DCAF5: variants seen among roughly 807,000 people sequenced by gnomAD.
DCAF5 encodes the protein DDB1- and CUL4-associated factor 5.
DCAF5 carries 9 observed loss-of-function variants against 80.7 expected under a neutral mutation model. That is an observed-to-expected ratio of 0.11 (90% CI 0.07 to 0.19). The LOEUF is 0.19. Ranked by LOEUF, DCAF5 falls within the 10% of genes least tolerant of loss-of-function variation. The pLI is 1.00. For missense variants in DCAF5, 842 were observed against 1,205.7 expected (o/e 0.70, Z 4.47); for synonymous variants, 433 against 461.9 (o/e 0.94, Z 0.80).
At chr14:69,081,201 T>A (rs1461582446) in intron 6 of DCAF5, among the ~76,000 whole-genome samples, 2 of 152,166 alleles carry the variant, frequency 1.3e-5, no homozygotes, top group African/African-American at 2.4e-5. Flanking sequence ...AGATAAATAC[T>A]TCATTATCTA....
At chr14:69,141,289 A>T (rs2041366321) in intron 1 of DCAF5, among the ~76,000 whole-genome samples, 1 of 152,046 alleles carries the variant, frequency 6.6e-6, no homozygotes. Flanking sequence ...TGCATACCAG[A>T]CAGTGCAATA....
intron 2 of DCAF5, 140 bp downstream of exon 2, chr14:69,122,077 G>A: frequency 9.9e-7 from 1 of 1,007,820 alleles, no homozygotes; most frequent in Non-Finnish European, 1.5e-6. Context: ...CTGCTGTAAT[G>A]CAGAAAAGAC....
chr14:69,071,991 G>A (rs1462109621), intron 7 of DCAF5, among the ~76,000 whole-genome samples: 1 of 152,182 alleles, frequency 6.6e-6, no homozygotes, highest in Non-Finnish European at 1.5e-5. Context: ...AAGTCTGGGG[G>A]TTGCCAATTG....
In DCAF5 at chr14:69,052,953, T is replaced by C. The variant is rs1412716374; in HGVS notation, c.*904A>G. 6.6e-6 allele frequency: 1 copy of C among 152,276 alleles called. No homozygotes were observed. Among genetic ancestry groups the C allele is most frequent in the Non-Finnish European group, 1.5e-5 (1 of 68,056 alleles). The allele number at this position is 152,276 out of a possible 1,614,324, so 9.4% of individuals were successfully genotyped here. ...GCCTGAGCACAAAGCTCTGGAAAGC[T>C]GTCTTTGCCCTTCTTTCACTATGCC... is the stretch of plus-strand genomic sequence containing the variant. On this transcript the variant is annotated 3_prime_UTR_variant, in exon 9 of 9. Transcript: ENST00000341516.
intron 5 of DCAF5, among the ~76,000 whole-genome samples, chr14:69,109,947 T>TAC (rs1471180731): frequency 6.6e-6 from 1 of 152,208 alleles, no homozygotes; most frequent in South Asian, 2.1e-4. Context: ...AATGTATGAG[T>TAC]GTTTCAGTTG....
intron 5 of DCAF5, among the ~76,000 whole-genome samples, chr14:69,095,458 G>A (rs1265098541): frequency 3.9e-5 from 6 of 152,168 alleles, no homozygotes; most frequent in African/African-American, 9.7e-5. Flanking sequence ...GACCTAGGGC[G>A]AAAAGCAAGA....
intron 6 of DCAF5, chr14:69,089,127 T>C (rs921627626): frequency 4.6e-5 from 7 of 152,634 alleles, no homozygotes; most frequent in Non-Finnish European, 8.8e-5. Context: ...AAATCATACT[T>C]ATCAATCCTG....
chr14:69,073,890 T>C (rs1474847340), intron 7 of DCAF5, among the ~76,000 whole-genome samples: 1 of 152,186 alleles, frequency 6.6e-6, no homozygotes, highest in Non-Finnish European at 1.5e-5. Context: ...AAGCTAGGAA[T>C]TACAGGGGTG....
intron 5 of DCAF5, among the ~76,000 whole-genome samples, chr14:69,095,982 G>C (rs2039697842): frequency 6.6e-6 from 1 of 152,082 alleles, no homozygotes; most frequent in African/African-American, 2.4e-5. Context: ...CCTTTCTATG[G>C]GAGAAAGTCT....
intron 6 of DCAF5, chr14:69,083,909 C>T (rs1288783575): frequency 6.4e-6 from 5 of 778,042 alleles, no homozygotes; most frequent in Non-Finnish European, 1.2e-5. Flanking sequence ...TTTGAGGATA[C>T]TTCATTTGCT....
At chr14:69,114,338 T>C (rs1335758865) in intron 5 of DCAF5, among the ~76,000 whole-genome samples, 1 of 152,166 alleles carries the variant, frequency 6.6e-6, no homozygotes, top group Admixed American at 6.6e-5. Context: ...GCCCTGGTTG[T>C]TGGGTACATC....
chr14:69,096,915 G>A (rs762876000), intron 5 of DCAF5, among the ~76,000 whole-genome samples: 16 of 151,960 alleles, frequency 1.1e-4, no homozygotes, highest in African/African-American at 2.4e-4. Flanking sequence ...ATGAATAGTC[G>A]TTGGCAAGAA....
chr14:69,101,009 C>G (rs1217689309), intron 5 of DCAF5, among the ~76,000 whole-genome samples: 3 of 152,312 alleles, frequency 2.0e-5, no homozygotes, highest in Admixed American at 1.3e-4. Context: ...TCATGTATAT[C>G]ATATCATCTA....
intron 7 of DCAF5, among the ~76,000 whole-genome samples, chr14:69,067,537 G>A (rs1456363156): frequency 6.6e-6 from 1 of 151,828 alleles, no homozygotes; most frequent in Non-Finnish European, 1.5e-5. Flanking sequence ...TAGAGATGGG[G>A]TTTTGCCATG....
At chr14:69,108,234 C>T (rs1033701614) in intron 5 of DCAF5, among the ~76,000 whole-genome samples, 28 of 152,180 alleles carry the variant, frequency 1.8e-4, no homozygotes, top group Admixed American at 6.5e-4. Flanking sequence ...TGCCAGGTGC[C>T]GGGGGACATG....
chr14:69,101,563 A>T (rs902987763), intron 5 of DCAF5, among the ~76,000 whole-genome samples: 4 of 152,244 alleles, frequency 2.6e-5, no homozygotes, highest in Admixed American at 1.3e-4. Context: ...AGGTTGACTC[A>T]AATTCTTAAC....
intron 8 of DCAF5, among the ~76,000 whole-genome samples, chr14:69,057,066 T>G (rs569589675): frequency 1.1e-3 from 163 of 152,316 alleles, no homozygotes; most frequent in African/African-American, 3.8e-3. Flanking sequence ...GTCCCACTCT[T>G]AGAGGTTCTG....
intron 8 of DCAF5, among the ~76,000 whole-genome samples, chr14:69,057,709 G>C (rs144331484): frequency 8.0e-4 from 122 of 152,306 alleles, no homozygotes; most frequent in Admixed American, 1.8e-3. Flanking sequence ...AGGATTAAGA[G>C]GCAGGAGTCT....
chr14:69,112,442 G>T (rs549123566), intron 5 of DCAF5, among the ~76,000 whole-genome samples: 4 of 152,080 alleles, frequency 2.6e-5, no homozygotes, highest in Admixed American at 1.3e-4. Flanking sequence ...ATGTGATTTA[G>T]TAAGAGAGGG....
Sources: allele counts gnomAD v4.1 joint callset (sites outside exome capture counted in the v4.1 genomes callset), GRCh38; gene constraint gnomAD v4.1.1; transcripts MANE v1.5; gene names NCBI Gene and HGNC (gene_info 2026-07-23, HGNC 2026-07-21).